The following ERBB4 variants were observed in gnomAD, a reference collection of about 807,000 sequenced individuals.
ERBB4 encodes the protein receptor tyrosine-protein kinase erbB-4.
A neutral mutation model predicts 158.0 loss-of-function variants in ERBB4; 42 were observed. The ratio of observed to expected loss-of-function variants is 0.27; its 90% CI spans 0.21 to 0.34. The LOEUF is 0.34. ERBB4 is among the 10% of genes least tolerant of loss of function. The pLI is 1.00. For missense variants in ERBB4, 1,333 were observed against 1,624.1 expected (o/e 0.82, Z 3.08); for synonymous variants, 583 against 558.7 (o/e 1.04, Z -0.61).
intron 2 of ERBB4, among the ~76,000 whole-genome samples, chr2:211,977,665 C>T (rs1407391312): frequency 1.3e-5 from 2 of 150,670 alleles, no homozygotes; most frequent in Non-Finnish European, 3.0e-5. Context: ...GGTGAAACCC[C>T]ATCTCTACTA....
intron 19 of ERBB4, among the ~76,000 whole-genome samples, chr2:211,612,191 G>C (rs2069226092): frequency 6.6e-6 from 1 of 151,836 alleles, no homozygotes; most frequent in Non-Finnish European, 1.5e-5. Flanking sequence ...AATTGGGCTG[G>C]TATAGAGAGG....
intron 3 of ERBB4, among the ~76,000 whole-genome samples, chr2:211,933,107 G>T (rs527279955): frequency 1.4e-4 from 21 of 152,002 alleles, no homozygotes; most frequent in African/African-American, 4.8e-4. Context: ...TTTAAGAGGC[G>T]CTTGAGCCAA....
intron 3 of ERBB4, among the ~76,000 whole-genome samples, chr2:211,881,666 TATGTAG>T (rs1431905481): frequency 1.3e-5 from 2 of 152,032 alleles, no homozygotes; most frequent in Non-Finnish European, 2.9e-5. Context: ...TTTCGGACCC[TATGTAG>T]ATCAGATACC....
Position 211,712,188 on chromosome 2 carries a change from A to T in ERBB4, c.998-12T>A. 2 of 1,613,318 alleles carry T rather than the reference A, an allele frequency of 1.2e-6. No homozygotes were observed. The highest frequency in any genetic ancestry group is 2.2e-5 in the South Asian group (2 of 91,062). On this transcript the variant is annotated splice_polypyrimidine_tract_variant and intron_variant, in intron 8 of 27. Transcript: ENST00000342788. ...AATGCCATCACAAGCTGTAGAAACAAGACTCAGAGTTAGGGGATTGAGAAA... is the reference window on the plus strand; with the variant it reads ...AATGCCATCACAAGCTGTAGAAACATGACTCAGAGTTAGGGGATTGAGAAA...
intron 2 of ERBB4, among the ~76,000 whole-genome samples, chr2:212,055,812 A>G (rs2077546201): frequency 6.6e-6 from 1 of 152,240 alleles, no homozygotes; most frequent in Admixed American, 6.5e-5. Flanking sequence ...GGTAGATAAA[A>G]CCACAAAGAT....
At chr2:212,413,134 A>ATTTTTTTTTTTTTTTT (rs370397826) in intron 1 of ERBB4, among the ~76,000 whole-genome samples, 5 of 101,254 alleles carry the variant, frequency 4.9e-5, no homozygotes, top group African/African-American at 1.2e-4. Context: ...TGCGTGGCTA[A>ATTTTTTTTTTTTTTTT]TTTTTTTTTT....
intron 2 of ERBB4, among the ~76,000 whole-genome samples, chr2:212,033,465 C>T (rs1430588626): frequency 1.3e-5 from 2 of 151,380 alleles, no homozygotes; most frequent in African/African-American, 4.8e-5. Context: ...TGCAAAGAGC[C>T]TAAATTTTAA....
chr2:212,320,166 C>T (rs939464278), intron 1 of ERBB4, among the ~76,000 whole-genome samples: 1 of 147,640 alleles, frequency 6.8e-6, no homozygotes, highest in African/African-American at 2.5e-5. Flanking sequence ...TATGTTCTGA[C>T]TGGGTAAATC....
At chr2:212,346,549 T>C (rs988775627) in intron 1 of ERBB4, among the ~76,000 whole-genome samples, 1 of 136,652 alleles carries the variant, frequency 7.3e-6, no homozygotes, top group African/African-American at 3.7e-5. Flanking sequence ...TGTTTTAATG[T>C]TTTAAAATAT....
intron 1 of ERBB4, among the ~76,000 whole-genome samples, chr2:212,432,777 G>A (rs1457244983): frequency 1.3e-5 from 2 of 152,050 alleles, no homozygotes; most frequent in African/African-American, 2.4e-5. Flanking sequence ...TTTAAAGAAC[G>A]ACTTCTGAGA....
chr2:212,338,030 C>T (rs1435990748), intron 1 of ERBB4, among the ~76,000 whole-genome samples: 2 of 152,002 alleles, frequency 1.3e-5, no homozygotes, highest in African/African-American at 4.8e-5. Context: ...TGAAACTGTC[C>T]AGGGCAGACT....
At chr2:211,895,419 G>C (rs538553969) in intron 3 of ERBB4, among the ~76,000 whole-genome samples, 178 of 152,154 alleles carry the variant, frequency 1.2e-3, no homozygotes, top group Non-Finnish European at 1.4e-3. Flanking sequence ...CACTGTGTCT[G>C]GCTAATTTTT....
At chr2:211,818,721 T>G (rs1298968245) in intron 3 of ERBB4, among the ~76,000 whole-genome samples, 1 of 152,098 alleles carries the variant, frequency 6.6e-6, no homozygotes, top group Admixed American at 6.6e-5. Flanking sequence ...CTTGAAACTA[T>G]TTTTTCAACA....
intron 19 of ERBB4, among the ~76,000 whole-genome samples, chr2:211,588,131 T>C (rs916776401): frequency 2.6e-5 from 4 of 152,210 alleles, no homozygotes; most frequent in African/African-American, 9.6e-5. Context: ...TGTTTCTTTT[T>C]GTGTATTAAG....
chr2:211,974,490 C>A (rs2081548108), intron 2 of ERBB4, among the ~76,000 whole-genome samples: 1 of 152,148 alleles, frequency 6.6e-6, no homozygotes, highest in African/African-American at 2.4e-5. Flanking sequence ...AGCCATATAA[C>A]CTGGGTAAAT....
intron 2 of ERBB4, among the ~76,000 whole-genome samples, chr2:212,002,300 A>G (rs11693914): frequency 0.087 from 13,283 of 152,246 alleles, 770 homozygotes; most frequent in Non-Finnish European, 0.13. Flanking sequence ...GAGGGGTTTC[A>G]GAGGTGGCAG....
chr2:212,223,905 G>A (rs140603275), intron 1 of ERBB4, among the ~76,000 whole-genome samples: 77 of 151,774 alleles, frequency 5.1e-4, no homozygotes, highest in African/African-American at 1.5e-3. Context: ...TAAATACTTC[G>A]CATAGATTAC....
At chr2:212,217,584 C>T (rs1483925290) in intron 1 of ERBB4, among the ~76,000 whole-genome samples, 1 of 151,100 alleles carries the variant, frequency 6.6e-6, no homozygotes, top group African/African-American at 2.4e-5. Context: ...TGTTTGAGTA[C>T]CAGTTTCCAA....
chr2:211,765,230 C>A (rs763981636), intron 4 of ERBB4, among the ~76,000 whole-genome samples: 1 of 152,070 alleles, frequency 6.6e-6, no homozygotes, highest in Non-Finnish European at 1.5e-5. Flanking sequence ...CCACCTTGAG[C>A]TCAGACACTA....
Sources: gnomAD v4.1 joint callset for allele counts (sites outside exome capture counted in the v4.1 genomes callset) on GRCh38, gnomAD v4.1.1 for gene constraint, MANE v1.5 for transcripts, NCBI Gene and HGNC (gene_info 2026-07-23, HGNC 2026-07-21) for gene names.